Variants in EIF5 observed in about 807,000 individuals in gnomAD.
The protein encoded by EIF5 is eukaryotic translation initiation factor 5.
A neutral mutation model predicts 48.3 loss-of-function variants in EIF5; 10 were observed. The observed-to-expected ratio is 0.21, with a 90% confidence interval of 0.13 to 0.35. EIF5 has a LOEUF of 0.35. Ranked by LOEUF, EIF5 falls within the 10% of genes least tolerant of loss-of-function variation. The pLI, the probability that EIF5 is intolerant of heterozygous loss-of-function variation, is 1.00. For missense variants in EIF5, 397 were observed against 533.2 expected (o/e 0.74, Z 2.51); for synonymous variants, 237 against 173.1 (o/e 1.37, Z -2.90).
intron 11 of EIF5, 29 bp from the exon 12 acceptor site, chr14:103,340,934 A>C: frequency 2.5e-6 from 4 of 1,599,010 alleles, no homozygotes; most frequent in Middle Eastern, 1.7e-4. Context: ...TTATCAGCTT[A>C]TGTTGAATAA....
intron 5 of EIF5, 71 bp from the exon 6 acceptor site, chr14:103,337,043 CTG>C (rs1375968207): frequency 6.3e-6 from 9 of 1,422,864 alleles, no homozygotes; most frequent in Non-Finnish European, 8.6e-6. Context: ...GTGAAGCTGT[CTG>C]TGGTTTAGAT....
intron 7 of EIF5, 46 bp downstream of exon 7, chr14:103,338,518 G>T: frequency 1.3e-6 from 2 of 1,535,380 alleles, no homozygotes; most frequent in African/African-American, 2.8e-5. Flanking sequence ...GTTGTGTAAA[G>T]TATATGGCAT....
intron 4 of EIF5, chr14:103,336,433 T>A (rs149880753): frequency 3.6e-6 from 2 of 551,250 alleles, no homozygotes; most frequent in Non-Finnish European, 6.4e-6. Flanking sequence ...ATACAAAAAT[T>A]AGCCAGGCGT....
chr14:103,334,691 G>T (rs1409419418), intron 2 of EIF5, 94 bp downstream of exon 2: 1 of 146,542 alleles, frequency 6.8e-6, no homozygotes, highest in African/African-American at 2.5e-5. Context: ...CGCAGTTTGG[G>T]CGGACGGCGG....
At chr14:103,340,004 A>G (rs1474421297) in intron 10 of EIF5, among the ~76,000 whole-genome samples, 1 of 152,128 alleles carries the variant, frequency 6.6e-6, no homozygotes, top group Non-Finnish European at 1.5e-5. Context: ...GATTACAGGC[A>G]CCTGCGATCA....
intron 2 of EIF5, chr14:103,335,381 G>C (rs1190373463): frequency 1.3e-5 from 2 of 159,874 alleles, no homozygotes; most frequent in Non-Finnish European, 2.8e-5. Flanking sequence ...CCCTCGGTCT[G>C]ATGGAATCTC....
Position 103,335,896 on chromosome 14 carries a change from G to T in EIF5, c.36G>T (p.Gln12His), listed in dbSNP as rs761376207. 4 of 1,614,072 alleles carry T rather than the reference G, an allele frequency of 2.5e-6. No individual in the cohort carries two copies. The highest frequency in any genetic ancestry group is 8.5e-7 in the Non-Finnish European group (1 of 1,180,046). The change falls in exon 3 of 12, where the codon CAG becomes CAT. Residue 12 changes from glutamine (Q) to histidine (H), a missense_variant. Around this residue, in one of 4 missense-constraint regions of EIF5, gnomAD observed 108 missense variants for 188.3 expected, o/e 0.57. Coordinates refer to ENST00000216554, the MANE Select transcript of EIF5 (RefSeq NM_001969.5). ...SVNVNRSVSD[Q>H]FYRYKMPRLI... ...ATGTCAACCGCAGCGTGTCAGACCA[G>T]TTCTATCGCTACAAGATGCCCCGTC...
intron 10 of EIF5, 80 bp from the exon 11 acceptor site, chr14:103,340,347 A>T: frequency 6.7e-7 from 1 of 1,493,668 alleles, no homozygotes. Flanking sequence ...CAGTCCCCTC[A>T]GCTCAGTAAG....
At chr14:103,338,916 A>G in intron 8 of EIF5, 23 bp downstream of exon 8, 4 of 1,609,668 alleles carry the variant, frequency 2.5e-6, no homozygotes, top group Non-Finnish European at 3.4e-6. Flanking sequence ...CTTGGTCTGT[A>G]AATCAGCTTC....
rs1446062252 is a variant in EIF5 at position 103,338,344 on chromosome 14, A to G, written c.457A>G (p.Thr153Ala). 1 of 1,614,078 alleles carries G rather than the reference A, an allele frequency of 6.2e-7. No individual in the cohort carries two copies. The highest frequency in any genetic ancestry group is 1.7e-5 in the Admixed American group (1 of 60,002). ...KNPPENSDSGTGKKEKEKKNR... is the reference protein window; with the variant it reads ...KNPPENSDSGAGKKEKEKKNR... ...TTCTGTAGAGAATAGTGACAGTGGT[A>G]CAGGAAAGAAAGAAAAAGAAAAGAA... is the stretch of plus-strand genomic sequence containing the variant. The change falls in exon 7 of 12, where the codon ACA becomes GCA. Residue 153 changes from threonine (T) to alanine (A), a missense_variant. Around this residue, in one of 4 missense-constraint regions of EIF5, gnomAD observed 126 missense variants for 141.9 expected, o/e 0.89. Transcript: ENST00000216554.
chr14:103,335,535 G>A (rs2140357981), intron 2 of EIF5, 118 bp from the exon 3 acceptor site: 4 of 377,320 alleles, frequency 1.1e-5, no homozygotes, highest in Non-Finnish European at 1.5e-5. Flanking sequence ...GATCTCAGAT[G>A]CTTTTTAAGG....
At position 103,336,735 on chromosome 14, in the gene EIF5, T is replaced by C. The variant is rs755850191; in HGVS notation, c.213T>C (p.Asn71=). The change falls in exon 5 of 12, where the codon AAT becomes AAC. Residue 71 remains asparagine (N), a synonymous_variant. Transcript: ENST00000216554. ...LGAQTQFDVK[N]DRYIVNGSHE... ...CACAGACCCAGTTTGATGTTAAGAA[T>C]GACCGTTACATTGTCAATGGATCTC... is the stretch of plus-strand genomic sequence containing the variant. The C allele has an allele frequency of 6.8e-6, 11 of 1,613,944 alleles. No individual in the cohort carries two copies. Among genetic ancestry groups the C allele is most frequent in the Admixed American group, 6.7e-5 (4 of 59,984 alleles).
At chr14:103,338,165 A>G (rs2089311736) in intron 6 of EIF5, 162 bp from the exon 7 acceptor site, 4 of 951,726 alleles carry the variant, frequency 4.2e-6, no homozygotes, top group Non-Finnish European at 3.2e-6. Context: ...GAAATACATG[A>G]TGAATTTGAT....
intron 10 of EIF5, 147 bp downstream of exon 10, chr14:103,339,950 C>T: frequency 2.1e-6 from 2 of 948,072 alleles, no homozygotes; most frequent in Non-Finnish European, 1.5e-6. Context: ...CCTCCACGTC[C>T]CGGCTTCAAG....
Position 103,338,490 on chromosome 14 carries a change from G to A in EIF5, c.585+18G>A, listed in dbSNP as rs773481988. The A allele has an allele frequency of 1.3e-6, 2 of 1,552,126 alleles. No homozygotes were observed. The highest frequency in any genetic ancestry group is 1.4e-5 in the African/African-American group (1 of 72,658). ...ATACAATGGTGAGTGCAGGGTTGAT[G>A]GCCTAGTGGGCACTAAAGTTGTGTA... On this transcript the variant is annotated intron_variant, in intron 7 of 11. Transcript: ENST00000216554.
chr14:103,336,871 G>A (rs201750015), intron 5 of EIF5, 22 bp downstream of exon 5: 10 of 1,598,660 alleles, frequency 6.3e-6, no homozygotes, highest in South Asian at 2.3e-5. Context: ...TGTGGTTGTC[G>A]AAAGAAAAAG....
At chr14:103,337,595 C>T (rs376235934) in intron 6 of EIF5, 1 of 326,828 alleles carries the variant, frequency 3.1e-6, no homozygotes, top group Non-Finnish European at 5.8e-6. Flanking sequence ...GCGACTCTGT[C>T]TCAAAAAAAC....
At chr14:103,336,467 G>C in intron 4 of EIF5, 1 of 579,808 alleles carries the variant, frequency 1.7e-6, no homozygotes. Context: ...TGTAGTCCCA[G>C]CTACTTGGGA....
In EIF5 at chr14:103,343,051, T is replaced by C. The variant is rs887048859; in HGVS notation, c.*1999T>C. The C allele has an allele frequency of 6.6e-6, 1 of 152,670 alleles. No homozygotes were observed. Among genetic ancestry groups the C allele is most frequent in the Non-Finnish European group, 1.5e-5 (1 of 68,040 alleles). 9.5% of individuals were successfully genotyped at this position (152,670 alleles called of 1,614,324 possible). On this transcript the variant is annotated 3_prime_UTR_variant, in exon 12 of 12. Transcript: ENST00000216554. Reference sequence around the variant, plus strand: ...ACTTCGAATGGAATACAAATTCACATAATCTGAACTTTGTTCACAGGTTAT... The same window carrying C: ...ACTTCGAATGGAATACAAATTCACACAATCTGAACTTTGTTCACAGGTTAT...
Sources: gnomAD v4.1 joint callset for allele counts (sites outside exome capture counted in the v4.1 genomes callset) on GRCh38, gnomAD v4.1.1 for gene constraint, gnomAD v4.1.1 regional missense constraint, MANE v1.5 for transcripts, NCBI Gene and HGNC (gene_info 2026-07-23, HGNC 2026-07-21) for gene names.